TRPM6: variants seen among roughly 807,000 people sequenced by gnomAD.
TRPM6 encodes the protein transient receptor potential cation channel subfamily M member 6.
In TRPM6, 111 loss-of-function variants were observed where a neutral mutation model predicts 247.6. That is an observed-to-expected ratio of 0.45 (90% CI 0.38 to 0.52). The LOEUF (loss-of-function observed/expected upper bound fraction) is 0.52, where lower values mean the gene tolerates loss of function less well. Ranked by LOEUF, TRPM6 falls within the 20% of genes least tolerant of loss-of-function variation. TRPM6 has a pLI of 0.00. For missense variants in TRPM6, 2,126 were observed against 2,421.5 expected (o/e 0.88, Z 2.56); for synonymous variants, 892 against 853.8 (o/e 1.04, Z -0.78).
chr9:74,887,247 A>G, intron 1 of TRPM6: 2 of 1,276,008 alleles, frequency 1.6e-6, no homozygotes. Context: ...CGGCGCTGTC[A>G]TCGCTCCGGG....
In TRPM6 at chr9:74,874,091, C is replaced by T. The variant is rs543902085; in HGVS notation, c.33+13733G>A. 2.6e-5 allele frequency among the ~76,000 whole-genome samples: 4 copies of T among 152,100 alleles called. No individual in the cohort carries two copies. In the East Asian group the frequency reaches 7.7e-4, roughly 29 times the overall value. The stretch of plus-strand genomic sequence containing the variant: ...CCTCTACTAAAAATACAAAAATTAG[C>T]CGGGCATGGTGGTACATGCCTGTAA... On this transcript the variant is annotated intron_variant, in intron 1 of 38. Transcript: ENST00000360774.
At chr9:74,821,999 C>A (rs1310255796) in intron 7 of TRPM6, among the ~76,000 whole-genome samples, 162 bp from the exon 8 acceptor site, 3 of 152,168 alleles carry the variant, frequency 2.0e-5, no homozygotes, top group African/African-American at 7.2e-5. Context: ...CAAGACCAAG[C>A]CAGAAACTTG....
intron 21 of TRPM6, among the ~76,000 whole-genome samples, chr9:74,784,185 C>T (rs902807627): frequency 1.3e-5 from 2 of 150,580 alleles, no homozygotes; most frequent in African/African-American, 2.4e-5. Context: ...ATCGCTTGAA[C>T]GCAGGAAGTG....
At chr9:74,792,309 GT>G (rs1437125701) in intron 19 of TRPM6, among the ~76,000 whole-genome samples, 1 of 152,160 alleles carries the variant, frequency 6.6e-6, no homozygotes, top group African/African-American at 2.4e-5. Flanking sequence ...CTCGCTCAGA[GT>G]TTTTAGAGAC....
At chr9:74,863,047 G>T (rs757739457) in intron 1 of TRPM6, among the ~76,000 whole-genome samples, 2 of 151,526 alleles carry the variant, frequency 1.3e-5, no homozygotes, top group Admixed American at 1.3e-4. Flanking sequence ...TTTTTTGTTT[G>T]GTTTTGTTTT....
intron 33 of TRPM6, among the ~76,000 whole-genome samples, chr9:74,740,515 A>G (rs1444106197): frequency 6.6e-6 from 1 of 152,242 alleles, no homozygotes; most frequent in Non-Finnish European, 1.5e-5. Context: ...ATATGTGCAT[A>G]TACATAATGA....
At chr9:74,796,371 G>T (rs1195154202) in intron 18 of TRPM6, among the ~76,000 whole-genome samples, 1 of 152,170 alleles carries the variant, frequency 6.6e-6, no homozygotes, top group Non-Finnish European at 1.5e-5. Context: ...TCTAGCACAT[G>T]TAAAGTGGCC....
At chr9:74,776,161 T>C in intron 23 of TRPM6, 85 bp from the exon 24 acceptor site, 1 of 1,193,946 alleles carries the variant, frequency 8.4e-7, no homozygotes, top group South Asian at 1.2e-5. Context: ...CATTTATGAT[T>C]GGCTCACCTG....
chr9:74,750,769 A>G (rs768799412), intron 29 of TRPM6, 47 bp from the exon 30 acceptor site: 1 of 1,565,688 alleles, frequency 6.4e-7, no homozygotes. Context: ...ACATAGTCCC[A>G]CCCCAAGTTT....
intron 14 of TRPM6, 45 bp downstream of exon 14, chr9:74,807,989 C>T (rs1254513135): frequency 3.7e-6 from 6 of 1,611,588 alleles, no homozygotes; most frequent in Non-Finnish European, 5.1e-6. Flanking sequence ...AACAACAATT[C>T]CTAATCATTC....
At chr9:74,765,350 C>CAAA (rs56073840) in intron 25 of TRPM6, among the ~76,000 whole-genome samples, 2 of 106,446 alleles carry the variant, frequency 1.9e-5, no homozygotes, top group African/African-American at 2.9e-5. Flanking sequence ...GTGTTAAGAG[C>CAAA]AAAAAAAAAA....
intron 18 of TRPM6, among the ~76,000 whole-genome samples, chr9:74,795,982 G>C (rs1828082918): frequency 6.6e-6 from 1 of 152,122 alleles, no homozygotes. Flanking sequence ...ACTCTAAAGA[G>C]CATCTAAGTA....
chr9:74,867,434 C>T (rs1429306346), intron 1 of TRPM6, among the ~76,000 whole-genome samples: 1 of 152,132 alleles, frequency 6.6e-6, no homozygotes, highest in Non-Finnish European at 1.5e-5. Context: ...ATACCATTCC[C>T]CAGATGGTCT....
At position 74,728,278 on chromosome 9, in the gene TRPM6, G is replaced by A; in HGVS notation, c.5896C>T (p.His1966Tyr). 1 of 1,614,102 alleles carries A rather than the reference G, an allele frequency of 6.2e-7. No individual in the cohort carries two copies. The highest frequency in any genetic ancestry group is 8.5e-7 in the Non-Finnish European group (1 of 1,180,008). The change falls in exon 38 of 39, where the codon CAT becomes TAT. Residue 1966 changes from histidine to tyrosine, a missense_variant. His to Tyr is a moderately conservative substitution (Grantham distance 83, BLOSUM62 2). Coordinates refer to ENST00000360774, the MANE Select transcript of TRPM6 (RefSeq NM_017662.5). ...EDAIRNFIAK[H>Y]HCNSCCRKLK... ...TTCCGGCAGCAGGAGTTACAATGAT[G>A]TTTTGCAATGAAGTTTCTAATTGCA... is the stretch of plus-strand genomic sequence containing the variant.
intron 3 of TRPM6, among the ~76,000 whole-genome samples, chr9:74,854,402 G>C (rs1830459686): frequency 6.6e-6 from 1 of 152,014 alleles, no homozygotes; most frequent in Non-Finnish European, 1.5e-5. Context: ...ATTTTGCTTT[G>C]CATTTTATTA....
chr9:74,820,522 A>C, intron 8 of TRPM6, 95 bp from the exon 9 acceptor site: 1 of 1,476,748 alleles, frequency 6.8e-7, no homozygotes, highest in Non-Finnish European at 9.3e-7. Flanking sequence ...CCCCAGACTG[A>C]AAAGGTGTCT....
Position 74,810,811 on chromosome 9 carries a change from T to C in TRPM6, c.1497+4A>G. On this transcript the variant is annotated splice_donor_region_variant and intron_variant, in intron 13 of 38. Coordinates refer to ENST00000360774, the MANE Select transcript of TRPM6 (RefSeq NM_017662.5). Reference sequence around the variant, plus strand: ...ACATGTTCACGCCTTCTTAATTAGGTTACCTGTTTCACATCTTGGACGAGA... The same window carrying C: ...ACATGTTCACGCCTTCTTAATTAGGCTACCTGTTTCACATCTTGGACGAGA... 6.2e-7 allele frequency: 1 copy of C among 1,613,378 alleles called. No homozygotes were observed. The highest frequency in any genetic ancestry group is 8.5e-7 in the Non-Finnish European group (1 of 1,179,396).
intron 27 of TRPM6, among the ~76,000 whole-genome samples, chr9:74,760,756 T>C (rs1369796642): frequency 6.6e-6 from 1 of 152,190 alleles, no homozygotes; most frequent in East Asian, 1.9e-4. Flanking sequence ...TAATTCCCAG[T>C]GTAATCATAT....
chr9:74,843,447 T>C (rs921454034), intron 3 of TRPM6, among the ~76,000 whole-genome samples: 1 of 152,150 alleles, frequency 6.6e-6, no homozygotes, highest in Non-Finnish European at 1.5e-5. Flanking sequence ...CAGTTTACTT[T>C]GTCCAGATCC....
Sources: allele counts gnomAD v4.1 joint callset (sites outside exome capture counted in the v4.1 genomes callset), GRCh38; gene constraint gnomAD v4.1.1; transcripts MANE v1.5; gene names NCBI Gene and HGNC (gene_info 2026-07-23, HGNC 2026-07-21).